The following ARID1B variants were observed in gnomAD, a reference collection of about 807,000 sequenced individuals.
The protein encoded by ARID1B is AT-rich interaction domain 1B, also known as AT-rich interactive domain-containing protein 1B.
ARID1B carries 30 observed loss-of-function variants against 212.3 expected under a neutral mutation model. The observed-to-expected ratio is 0.14, with a 90% confidence interval of 0.11 to 0.19. ARID1B has a LOEUF of 0.19. Ranked by LOEUF, ARID1B falls within the 10% of genes least tolerant of loss-of-function variation. The pLI is 1.00. For synonymous variants in ARID1B, 1,402 were observed against 1,301.7 expected, an observed-to-expected ratio of 1.08 and a Z score of -1.66; for missense variants, 2,891 against 3,204.0, an observed-to-expected ratio of 0.90 and a Z score of 2.36.
chr6:157,148,717 T>C lies in ARID1B; in HGVS notation c.2855T>C (p.Met952Thr). ...ATGGGTATCAGTGCCAACAACCAGA[T>C]GCATGGACAAGGGCCAAGCCAGCCA... Reference protein sequence around the residue: ...PGMGISANNQMHGQGPSQPCG... With the variant: ...PGMGISANNQTHGQGPSQPCG... The change falls in exon 8 of 20, where the codon ATG becomes ACG. Residue 952 changes from methionine (M) to threonine (T), a missense_variant. Met to Thr is a moderately conservative substitution (Grantham distance 81). This residue lies in a region of ARID1B where 1,643 missense variants were observed against 1,544.0 expected (regional missense o/e 1.06). Transcript: ENST00000636930. This position sits in a 1 kb window ranked among gnomAD's most constrained non-coding sequence, Gnocchi z 5.6. 1 of 1,613,106 alleles carries C rather than the reference T, an allele frequency of 6.2e-7. No homozygotes were observed. Among genetic ancestry groups the C allele is most frequent in the Non-Finnish European group, 8.5e-7 (1 of 1,179,916 alleles).
At chr6:157,134,899 T>C (rs7761397) in intron 7 of ARID1B, among the ~76,000 whole-genome samples, 1 of 151,896 alleles carries the variant, frequency 6.6e-6, no homozygotes, top group South Asian at 2.1e-4. Flanking sequence ...AACTCTTAAG[T>C]CCATAAGCCC....
intron 4 of ARID1B, among the ~76,000 whole-genome samples, chr6:157,002,473 AC>A (rs1235582634): frequency 2.6e-5 from 4 of 152,232 alleles, no homozygotes; most frequent in Non-Finnish European, 5.9e-5. Flanking sequence ...TAATACACAA[AC>A]CTGCTTTGCA....
At chr6:157,030,817 C>A (rs1034734075) in intron 4 of ARID1B, among the ~76,000 whole-genome samples, 2 of 152,264 alleles carry the variant, frequency 1.3e-5, no homozygotes, top group African/African-American at 4.8e-5. Flanking sequence ...TTCATTGTTA[C>A]CAATATTTAT....
At chr6:156,789,121 A>G (rs1403641599) in intron 1 of ARID1B, among the ~76,000 whole-genome samples, 1 of 152,218 alleles carries the variant, frequency 6.6e-6, no homozygotes, top group Non-Finnish European at 1.5e-5. Context: ...CATTTCCAAT[A>G]TCAGTTGCAA....
rs184879049 is a variant in ARID1B, at chr6:156,820,919, C to A, written c.1792-8308C>A. On this transcript the variant is annotated intron_variant, in intron 1 of 19. Coordinates refer to ENST00000636930, the MANE Select transcript of ARID1B (RefSeq NM_001374828.1). ...TTTCTGTACGGATCTGCTTCCAGAA[C>A]GCTGATGCTTGGATTTAAATACCAG... Among the ~76,000 whole-genome samples the A allele has an allele frequency of 3.9e-5, 6 of 152,296 alleles. No individual in the cohort carries two copies. The South Asian group carries it at 1.2e-3, about 32-fold the overall frequency.
chr6:156,791,536 T>C (rs1583048660), intron 1 of ARID1B, among the ~76,000 whole-genome samples: 1 of 152,256 alleles, frequency 6.6e-6, no homozygotes, highest in Non-Finnish European at 1.5e-5. Flanking sequence ...AGATTAGCCA[T>C]GTGCTCTGTG....
At chr6:156,820,398 G>A (rs1384760087) in intron 1 of ARID1B, among the ~76,000 whole-genome samples, 1 of 152,208 alleles carries the variant, frequency 6.6e-6, no homozygotes, top group Non-Finnish European at 1.5e-5. Flanking sequence ...TGTACTAAGT[G>A]CTAGGTATGC....
chr6:156,991,454 A>G (rs564633524), intron 4 of ARID1B, among the ~76,000 whole-genome samples: 63 of 151,214 alleles, frequency 4.2e-4, no homozygotes, highest in African/African-American at 1.4e-3. Flanking sequence ...CTGGTCTTGA[A>G]CTCTTGACCT....
intron 1 of ARID1B, among the ~76,000 whole-genome samples, chr6:156,783,268 C>T (rs974913806): frequency 2.0e-5 from 3 of 151,716 alleles, no homozygotes; most frequent in Non-Finnish European, 4.4e-5. Context: ...TACTAATATA[C>T]TTAACCTCTG....
At chr6:157,021,875 T>TCGCGCCGCCGCCC (rs1780314820) in intron 4 of ARID1B, among the ~76,000 whole-genome samples, 1 of 151,340 alleles carries the variant, frequency 6.6e-6, no homozygotes, top group African/African-American at 2.4e-5. Flanking sequence ...CTGCGCCGTC[T>TCGCGCCGCCGCCC]CGCGCCGCCG....
intron 6 of ARID1B, 151 bp downstream of exon 6, chr6:157,110,712 C>T (rs547826054): frequency 1.3e-5 from 10 of 768,180 alleles, no homozygotes; most frequent in Non-Finnish European, 1.9e-5. Context: ...GCCCTTCCAA[C>T]AAATATGGAG....
intron 6 of ARID1B, among the ~76,000 whole-genome samples, chr6:157,124,673 T>G (rs1323092607): frequency 6.6e-6 from 1 of 152,066 alleles, no homozygotes; most frequent in Non-Finnish European, 1.5e-5. Flanking sequence ...ATAATAAGGG[T>G]CAACATTGTT....
chr6:156,924,499 A>G (rs284425), intron 3 of ARID1B, among the ~76,000 whole-genome samples: 25,079 of 152,204 alleles, frequency 0.16, 2,507 homozygotes, highest in Non-Finnish European at 0.23. Context: ...GGATCTGGTA[A>G]CAGCTCCTAA....
Position 156,779,217 on chromosome 6 carries a change from A to T in ARID1B, c.1537A>T (p.Met513Leu). 1 of 1,265,652 alleles carries T rather than the reference A, an allele frequency of 7.9e-7. No individual in the cohort carries two copies. The highest frequency in any genetic ancestry group is 1.0e-6 in the Non-Finnish European group (1 of 996,120). The allele number at this position is 1,265,652 out of a possible 1,614,324, so 78.4% of individuals were successfully genotyped here. The change falls in exon 1 of 20, where the codon ATG becomes TTG. Residue 513 changes from methionine (M) to leucine (L), a missense_variant. Physicochemically the swap from Met to Leu is conservative, Grantham distance 15. Around this residue, in one of 7 missense-constraint regions of ARID1B, gnomAD observed 1,643 missense variants for 1,544.0 expected, o/e 1.06. Transcript: ENST00000636930. ...GCTGCTCACCTCGCCCAGCCCCATGATGCGGAGCTACGGCGGCAGCTACCC... is the reference window on the plus strand; with the variant it reads ...GCTGCTCACCTCGCCCAGCCCCATGTTGCGGAGCTACGGCGGCAGCTACCC... ...NQLLTSPSPMMRSYGGSYPEY... is the reference protein window; with the variant it reads ...NQLLTSPSPMLRSYGGSYPEY...
At chr6:156,921,233 C>G (rs956164428) in intron 3 of ARID1B, among the ~76,000 whole-genome samples, 1 of 151,988 alleles carries the variant, frequency 6.6e-6, no homozygotes, top group Non-Finnish European at 1.5e-5. Context: ...ATAGCTTGCC[C>G]TCCTTGGAAA....
At chr6:157,146,924 C>T (rs940052049) in intron 7 of ARID1B, among the ~76,000 whole-genome samples, 7 of 152,230 alleles carry the variant, frequency 4.6e-5, no homozygotes, top group Non-Finnish European at 8.8e-5. Context: ...CATGGGTCCC[C>T]GAGCCAGTTT....
At chr6:156,921,472 C>T (rs955868867) in intron 3 of ARID1B, among the ~76,000 whole-genome samples, 6 of 148,992 alleles carry the variant, frequency 4.0e-5, no homozygotes, top group Middle Eastern at 6.8e-3. Flanking sequence ...CACACACACA[C>T]ACACACACAC....
rs763750480 is a variant in ARID1B, at chr6:157,196,258, C to G, written c.4325C>G (p.Ser1442Cys). The change falls in exon 16 of 20, where the codon TCT becomes TGT. Residue 1442 changes from serine to cysteine, a missense_variant. By Grantham distance (112) the Ser-to-Cys change is moderately radical. This residue lies in a region of ARID1B where 666 missense variants were observed against 873.5 expected (regional missense o/e 0.76). Transcript: ENST00000636930. ...AACCAAAGTCCCTCCGGAGCAATGTCTAACCTGGGCATGGGGCAGCGCCAG... is the reference window on the plus strand; with the variant it reads ...AACCAAAGTCCCTCCGGAGCAATGTGTAACCTGGGCATGGGGCAGCGCCAG... Reference protein sequence around the residue: ...MYNQSPSGAMSNLGMGQRQQF... With the variant: ...MYNQSPSGAMCNLGMGQRQQF... 3 of 1,612,538 alleles carry G rather than the reference C, an allele frequency of 1.9e-6. No individual in the cohort carries two copies. The highest frequency in any genetic ancestry group is 2.7e-5 in the African/African-American group (2 of 74,784).
chr6:157,139,917 T>TGGCCAAGC (rs1789217732), intron 7 of ARID1B, among the ~76,000 whole-genome samples: 1 of 151,634 alleles, frequency 6.6e-6, no homozygotes, highest in Non-Finnish European at 1.5e-5. Flanking sequence ...AGAGGCAGGT[T>TGGCCAAGC]TTCACCATGT....
Sources: allele counts gnomAD v4.1 joint callset (sites outside exome capture counted in the v4.1 genomes callset), GRCh38; gene constraint gnomAD v4.1.1; regional missense constraint gnomAD v4.1.1; non-coding constraint Gnocchi (gnomAD v3.1); transcripts MANE v1.5; gene names NCBI Gene and HGNC (gene_info 2026-07-23, HGNC 2026-07-21).